The following RAD51B variants were observed in gnomAD, a reference collection of about 807,000 sequenced individuals.
The protein encoded by RAD51B is DNA repair protein RAD51 homolog 2.
In RAD51B, 38 loss-of-function variants were observed where a neutral mutation model predicts 42.2. That is an observed-to-expected ratio of 0.90 (90% CI 0.70 to 1.18). The LOEUF (loss-of-function observed/expected upper bound fraction) is 1.18, where lower values mean the gene tolerates loss of function less well. RAD51B is among the 50% of genes most tolerant of loss of function. RAD51B has a pLI of 0.00. For missense variants in RAD51B, 373 were observed against 400.7 expected, an observed-to-expected ratio of 0.93 and a Z score of 0.59; for synonymous variants, 154 against 145.2, an observed-to-expected ratio of 1.06 and a Z score of -0.43.
chr14:67,915,453 G>A (rs2140122939), intron 7 of RAD51B, among the ~76,000 whole-genome samples: 1 of 152,302 alleles, frequency 6.6e-6, no homozygotes, highest in South Asian at 2.1e-4. Flanking sequence ...ACCAGCAATA[G>A]CTTCCCATTT....
intron 11 of RAD51B, among the ~76,000 whole-genome samples, chr14:68,673,537 C>A (rs1333030644): frequency 1.3e-5 from 2 of 151,160 alleles, no homozygotes; most frequent in African/African-American, 4.9e-5. Flanking sequence ...CACACACATA[C>A]ACATACATAT....
chr14:68,629,868 C>T (rs1892184146), intron 10 of RAD51B, among the ~76,000 whole-genome samples: 1 of 152,224 alleles, frequency 6.6e-6, no homozygotes, highest in Non-Finnish European at 1.5e-5. Flanking sequence ...GCTAATCCAC[C>T]ATAGACCAAC....
intron 7 of RAD51B, among the ~76,000 whole-genome samples, chr14:68,239,322 A>G (rs2080334302): frequency 6.6e-6 from 1 of 152,154 alleles, no homozygotes; most frequent in Non-Finnish European, 1.5e-5. Context: ...GATGGTATTG[A>G]GTTTACCAAA....
intron 7 of RAD51B, among the ~76,000 whole-genome samples, chr14:67,968,550 A>C (rs919210626): frequency 6.6e-6 from 1 of 152,178 alleles, no homozygotes; most frequent in Non-Finnish European, 1.5e-5. Context: ...AAAGTTCCAC[A>C]AATCTCAAGG....
Position 68,272,483 on chromosome 14 carries a change from T to C in RAD51B, c.757-19401T>C, listed in dbSNP as rs185545190. Among the ~76,000 whole-genome samples the C allele has an allele frequency of 7.3e-5, 11 of 151,210 alleles. No individual in the cohort carries two copies. The East Asian group carries it at 2.1e-3, about 29-fold the overall frequency. ...TAAATAAATAAATGTATATGACAAA[T>C]AGAATGATCCTATACCTTAGGGCTT... On this transcript the variant is annotated intron_variant, in intron 7 of 10. Coordinates refer to ENST00000471583, the MANE Select transcript of RAD51B (RefSeq NM_133510.4).
intron 11 of RAD51B, among the ~76,000 whole-genome samples, chr14:68,657,255 C>A (rs914584610): frequency 2.6e-5 from 4 of 152,188 alleles, no homozygotes; most frequent in Non-Finnish European, 5.9e-5. Context: ...CCACAGAGAT[C>A]TAGGTTCAAA....
chr14:68,549,679 G>C (rs1358377992), intron 10 of RAD51B, among the ~76,000 whole-genome samples: 1 of 151,140 alleles, frequency 6.6e-6, no homozygotes, highest in Non-Finnish European at 1.5e-5. Context: ...CTCCCAAAGT[G>C]CTGGGATTAC....
chr14:68,496,954 A>G (rs977252831), intron 10 of RAD51B, among the ~76,000 whole-genome samples: 1 of 152,202 alleles, frequency 6.6e-6, no homozygotes, highest in Non-Finnish European at 1.5e-5. Context: ...GCACGAAACT[A>G]CAAGTTCTCT....
chr14:67,852,550 T>C lies in RAD51B; in HGVS notation c.316-12453T>C, dbSNP rs1380159828. Among the ~76,000 whole-genome samples the C allele has an allele frequency of 9.8e-5, 15 of 152,330 alleles. No individual in the cohort carries two copies. In the East Asian group the frequency reaches 2.9e-3, roughly 29 times the overall value. On this transcript the variant is annotated intron_variant, in intron 4 of 10. Transcript: ENST00000471583. The stretch of plus-strand genomic sequence containing the variant: ...AACAGCTGACTTTCTGCAGAGTATG[T>C]GATCCAAGAGTACAGGGTAGAAATG...
chr14:67,950,907 A>G (rs1034015744), intron 7 of RAD51B, among the ~76,000 whole-genome samples: 1 of 152,202 alleles, frequency 6.6e-6, no homozygotes, highest in African/African-American at 2.4e-5. Flanking sequence ...GCCCAAAGGC[A>G]GGCAGCAAGA....
chr14:68,458,781 T>C (rs1276575670), intron 9 of RAD51B, among the ~76,000 whole-genome samples: 1 of 152,058 alleles, frequency 6.6e-6, no homozygotes, highest in Non-Finnish European at 1.5e-5. Flanking sequence ...ACTTGGGAAG[T>C]AGGCCACATG....
At chr14:68,010,048 G>T (rs2075657928) in intron 7 of RAD51B, among the ~76,000 whole-genome samples, 1 of 151,682 alleles carries the variant, frequency 6.6e-6, no homozygotes, top group Non-Finnish European at 1.5e-5. Context: ...TCTCAATTTT[G>T]TTTTGTTTTC....
intron 10 of RAD51B, among the ~76,000 whole-genome samples, chr14:68,483,596 T>A (rs1303639701): frequency 6.6e-6 from 1 of 152,206 alleles, no homozygotes; most frequent in Non-Finnish European, 1.5e-5. Flanking sequence ...CTTTTGGAAA[T>A]GTGCCCTTCC....
intron 7 of RAD51B, among the ~76,000 whole-genome samples, chr14:68,114,883 A>T (rs1477097726): frequency 6.6e-6 from 1 of 152,128 alleles, no homozygotes; most frequent in African/African-American, 2.4e-5. Flanking sequence ...TTTCTTAAAA[A>T]GTCAGGAAAC....
At chr14:68,191,625 C>T (rs2079269053) in intron 7 of RAD51B, among the ~76,000 whole-genome samples, 1 of 152,150 alleles carries the variant, frequency 6.6e-6, no homozygotes, top group East Asian at 1.9e-4. Flanking sequence ...CTTCTGTGGT[C>T]TCTCTTGGGA....
intron 8 of RAD51B, among the ~76,000 whole-genome samples, chr14:68,307,007 ATT>A (rs374291766): frequency 1.2e-5 from 1 of 86,568 alleles, no homozygotes; most frequent in African/African-American, 3.3e-5. Context: ...GAAAATATTG[ATT>A]TTTTTTTTTT....
At chr14:68,093,431 G>C (rs1247249070) in intron 7 of RAD51B, among the ~76,000 whole-genome samples, 1 of 152,168 alleles carries the variant, frequency 6.6e-6, no homozygotes, top group African/African-American at 2.4e-5. Context: ...AGTTTTGGGA[G>C]GGTGTATGTG....
At chr14:67,960,813 C>T (rs2074648630) in intron 7 of RAD51B, among the ~76,000 whole-genome samples, 1 of 152,018 alleles carries the variant, frequency 6.6e-6, no homozygotes, top group South Asian at 2.1e-4. Context: ...GAACAACAGG[C>T]ACCTGCCTTT....
intron 10 of RAD51B, among the ~76,000 whole-genome samples, chr14:68,625,076 C>T (rs1396109195): frequency 6.6e-6 from 1 of 152,162 alleles, no homozygotes; most frequent in African/African-American, 2.4e-5. Context: ...GTCACACAGC[C>T]AATAAGTGGT....
Sources: gnomAD v4.1 joint callset for allele counts (sites outside exome capture counted in the v4.1 genomes callset) on GRCh38, gnomAD v4.1.1 for gene constraint, MANE v1.5 for transcripts, NCBI Gene and HGNC (gene_info 2026-07-23, HGNC 2026-07-21) for gene names.